Variants in MS4A8 observed in about 807,000 individuals in gnomAD.
MS4A8 encodes the protein membrane-spanning 4-domains subfamily A member 8.
In MS4A8, 27 loss-of-function variants were observed where a neutral mutation model predicts 23.7. The observed-to-expected ratio is 1.14, with a 90% CI of 0.84 to 1.57. The LOEUF is 1.57. MS4A8 is among the 40% of genes most tolerant of loss of function. The pLI is 0.00. For synonymous variants in MS4A8, 138 were observed against 126.3 expected, an observed-to-expected ratio of 1.09 and a Z score of -0.62; for missense variants, 301 against 311.4, an observed-to-expected ratio of 0.97 and a Z score of 0.25.
At chr11:60,709,388 AAGAGAG>A (rs111482488) in intron 5 of MS4A8, among the ~76,000 whole-genome samples, 1 of 152,138 alleles carries the variant, frequency 6.6e-6, no homozygotes, top group Non-Finnish European at 1.5e-5. Context: ...CCACATTTAA[AAGAGAG>A]AGAGAGTGAA....
rs2088205201 is a variant in MS4A8, at chr11:60,701,582, G to A, written c.219+503G>A. Reference sequence around the variant, plus strand: ...GTAGCTGAATGATGGGCATGAATTTGGATGCAGACTGCCCGAGCTCCAACC... The same window carrying A: ...GTAGCTGAATGATGGGCATGAATTTAGATGCAGACTGCCCGAGCTCCAACC... On this transcript the variant is annotated intron_variant, in intron 2 of 6. Transcript: ENST00000300226. The A allele has an allele frequency of 3.8e-5, 10 of 264,724 alleles. No individual in the cohort carries two copies. The South Asian group carries it at 4.3e-4, about 11-fold the overall frequency. 16.4% of individuals were successfully genotyped at this position (264,724 alleles called of 1,614,324 possible).
At chr11:60,703,778 G>A in intron 3 of MS4A8, among the ~76,000 whole-genome samples, 1 of 152,232 alleles carries the variant, frequency 6.6e-6, no homozygotes, top group East Asian at 1.9e-4. Context: ...GATGTTAGCA[G>A]ATGTTTTCCC....
rs141690293 is a variant in MS4A8, at chr11:60,707,468, C to G, written c.402+421C>G. 2.0e-3 allele frequency among the ~76,000 whole-genome samples: 312 copies of G among 152,308 alleles called. 3 individuals carry two copies. The highest frequency in any genetic ancestry group is 7.2e-3 in the African/African-American group (298 of 41,572). ...GACTCCGGGGAAGCCGAAGGAGGCT[C>G]AGTCACTCGCTTTCCTAAGGAATCC... On this transcript the variant is annotated intron_variant, in intron 4 of 6. Coordinates refer to ENST00000300226, the MANE Select transcript of MS4A8 (RefSeq NM_031457.2).
intron 2 of MS4A8, among the ~76,000 whole-genome samples, chr11:60,702,082 CAG>C (rs1317453693): frequency 1.1e-4 from 16 of 152,184 alleles, no homozygotes; most frequent in African/African-American, 3.9e-4. Flanking sequence ...CAAACATACA[CAG>C]ATGTTCTTTC....
chr11:60,700,743 G>GTT, intron 1 of MS4A8, 117 bp from the exon 2 acceptor site: 1 of 937,818 alleles, frequency 1.1e-6, no homozygotes, highest in Non-Finnish European at 1.7e-6. Flanking sequence ...TTGTAACATG[G>GTT]GATTCATAAA....
At chr11:60,707,840 G>A (rs1303528524) in intron 4 of MS4A8, among the ~76,000 whole-genome samples, 1 of 90,402 alleles carries the variant, frequency 1.1e-5, no homozygotes, top group African/African-American at 4.4e-5. Context: ...TTTTTTGTGT[G>A]TGTGTGTGAG....
At chr11:60,700,508 T>C (rs1434036882) in intron 1 of MS4A8, among the ~76,000 whole-genome samples, 1 of 152,010 alleles carries the variant, frequency 6.6e-6, no homozygotes, top group Non-Finnish European at 1.5e-5. Context: ...ATCGTACCAC[T>C]GCACTCCAGC....
At chr11:60,701,312 C>T in intron 2 of MS4A8, 1 of 645,812 alleles carries the variant, frequency 1.5e-6, no homozygotes, top group Admixed American at 2.1e-5. Flanking sequence ...AGAAAAGCAA[C>T]AAAAAAGCAG....
In MS4A8 at chr11:60,714,205, T is replaced by A. The variant is rs542717960; in HGVS notation, c.535-816T>A. Among the ~76,000 whole-genome samples the A allele has an allele frequency of 4.7e-5, 7 of 149,330 alleles. No homozygotes were observed. In the East Asian group the frequency reaches 1.4e-3, roughly 29 times the overall value. On this transcript the variant is annotated intron_variant, in intron 5 of 6. Coordinates refer to ENST00000300226, the MANE Select transcript of MS4A8 (RefSeq NM_031457.2). ...TCCCAAAGTGCTGGGATTACAGGCG[T>A]GAGCCACCGCGCCCGGCCGGTGATG...
intron 5 of MS4A8, among the ~76,000 whole-genome samples, chr11:60,713,524 A>G (rs1311011491): frequency 6.6e-6 from 1 of 152,218 alleles, no homozygotes; most frequent in African/African-American, 2.4e-5. Context: ...AAGGAGCAGT[A>G]TTGCTGCCAG....
At chr11:60,702,873 A>C (rs2088216674) in intron 2 of MS4A8, among the ~76,000 whole-genome samples, 2 of 152,288 alleles carry the variant, frequency 1.3e-5, no homozygotes, top group East Asian at 1.9e-4. Flanking sequence ...GGGTTGGGGG[A>C]GGGGAGCATA....
intron 3 of MS4A8, among the ~76,000 whole-genome samples, chr11:60,704,116 C>CTTTTTTTT (rs1245958477): frequency 3.2e-5 from 4 of 126,842 alleles, no homozygotes; most frequent in Non-Finnish European, 4.9e-5. Flanking sequence ...TTTCTTTTTA[C>CTTTTTTTT]TTTTTTTTTT....
chr11:60,700,987 G>C lies in MS4A8; in HGVS notation c.127G>C (p.Val43Leu). The C allele has an allele frequency of 6.2e-7, 1 of 1,614,220 alleles. No homozygotes were observed. The highest frequency in any genetic ancestry group is 8.5e-7 in the Non-Finnish European group (1 of 1,180,046). ...VPLYPNSQPQ[V>L]HLVPGNPPSL... ...CCTGTATCCAAACAGCCAGCCGCAA[G>C]TCCACCTAGTTCCTGGGAACCCACC... Residue 43 changes from valine (V) to leucine (L), a missense_variant, in exon 2 of 7, where the codon GTC becomes CTC. Transcript: ENST00000300226.
chr11:60,703,918 T>G (rs1270675679), intron 3 of MS4A8, among the ~76,000 whole-genome samples: 1 of 148,000 alleles, frequency 6.8e-6, no homozygotes, highest in Non-Finnish European at 1.5e-5. Flanking sequence ...GGGTCCCCCC[T>G]GATGACCTCA....
At chr11:60,704,879 CACAT>C (rs1198371229) in intron 3 of MS4A8, among the ~76,000 whole-genome samples, 143 of 145,650 alleles carry the variant, frequency 9.8e-4, no homozygotes, top group Admixed American at 2.5e-3. Flanking sequence ...CACACACACA[CACAT>C]ACACACACAC....
At chr11:60,711,700 T>A (rs1030410067) in intron 5 of MS4A8, 2 of 411,320 alleles carry the variant, frequency 4.9e-6, no homozygotes, top group African/African-American at 4.2e-5. Context: ...CAAATGCTGG[T>A]GGAGGAACTA....
chr11:60,710,887 G>A (rs1016935767), intron 5 of MS4A8, among the ~76,000 whole-genome samples: 1 of 152,050 alleles, frequency 6.6e-6, no homozygotes, highest in East Asian at 1.9e-4. Context: ...TGTTCCCTCC[G>A]ACTGGGGAAC....
intron 5 of MS4A8, among the ~76,000 whole-genome samples, chr11:60,713,965 C>T (rs1276442324): frequency 2.1e-5 from 3 of 141,872 alleles, no homozygotes; most frequent in Admixed American, 1.4e-4. Context: ...TCGCCCAGGC[C>T]GGACTGCGGA....
At chr11:60,709,336 T>A (rs1464782508) in intron 5 of MS4A8, 1 of 153,266 alleles carries the variant, frequency 6.5e-6, no homozygotes, top group Non-Finnish European at 1.5e-5. Flanking sequence ...CACTGTCCAA[T>A]AGAAATATGC....
Sources: gnomAD v4.1 joint callset for allele counts (sites outside exome capture counted in the v4.1 genomes callset) on GRCh38, gnomAD v4.1.1 for gene constraint, MANE v1.5 for transcripts, NCBI Gene and HGNC (gene_info 2026-07-23, HGNC 2026-07-21) for gene names.